The following GNA13 variants were observed in gnomAD, a reference collection of about 807,000 sequenced individuals.
GNA13 encodes G protein subunit alpha 13, also known as guanine nucleotide-binding protein subunit alpha-13.
Under a neutral mutation model 33.5 loss-of-function variants are expected in GNA13, and 4 were observed. That is an observed-to-expected ratio of 0.12 (90% confidence interval 0.06 to 0.27). GNA13 has a LOEUF of 0.27. Among genes scored for constraint, GNA13 ranks in the 10% least tolerant of loss-of-function variants. The probability of loss-of-function intolerance (pLI) is 1.00; values close to 1 mark genes in which losing one functional copy is unlikely to be tolerated. For synonymous variants in GNA13, 176 were observed against 183.8 expected (o/e 0.96, Z 0.34); for missense variants, 319 against 487.2 (o/e 0.65, Z 3.25).
chr17:65,020,863 C>A (rs1200356338), intron 2 of GNA13, among the ~76,000 whole-genome samples: 1 of 152,070 alleles, frequency 6.6e-6, no homozygotes, highest in Non-Finnish European at 1.5e-5. Flanking sequence ...GTTGGCCAGG[C>A]TGGTCTTGAA....
intron 2 of GNA13, among the ~76,000 whole-genome samples, chr17:65,031,921 A>AGAGTGT (rs770161529): frequency 3.7e-3 from 338 of 91,226 alleles, no homozygotes; most frequent in African/African-American, 9.2e-3. Context: ...AGAGAGAGAG[A>AGAGTGT]GTGTGTGTGT....
Position 65,014,288 on chromosome 17 carries a change from T to A in GNA13, c.1103A>T (p.His368Leu). The A allele has an allele frequency of 6.2e-7, 1 of 1,609,212 alleles. No homozygotes were observed. The change falls in exon 4 of 4, where the codon CAT becomes CTT. Residue 368 changes from histidine (H) to leucine (L), a missense_variant. Coordinates refer to ENST00000439174, the MANE Select transcript of GNA13 (RefSeq NM_006572.6). This position sits in a 1 kb window ranked among gnomAD's most constrained non-coding sequence, Gnocchi z 5.3. ...TAGCATAAGCTGCTTGAGGTTGTCA[T>A]GCAGAATAGTATCCTTCACGTCACG... ...VFRDVKDTILHDNLKQLMLQ is the reference protein window; with the variant it reads ...VFRDVKDTILLDNLKQLMLQ
intron 2 of GNA13, among the ~76,000 whole-genome samples, chr17:65,048,198 G>A (rs771097822): frequency 6.6e-5 from 10 of 152,064 alleles, no homozygotes; most frequent in Non-Finnish European, 1.2e-4. Flanking sequence ...CGTAACAAGT[G>A]TTGCCTTATT....
intron 2 of GNA13, among the ~76,000 whole-genome samples, chr17:65,024,400 AAAC>A (rs1245851584): frequency 6.6e-6 from 1 of 152,254 alleles, no homozygotes; most frequent in African/African-American, 2.4e-5. Flanking sequence ...GAATCCCAAT[AAAC>A]AAAATGTTAT....
At chr17:65,051,038 G>A (rs1319152693) in intron 2 of GNA13, among the ~76,000 whole-genome samples, 1 of 152,186 alleles carries the variant, frequency 6.6e-6, no homozygotes, top group Non-Finnish European at 1.5e-5. Flanking sequence ...TGACAGTCCT[G>A]ATGTGAGACA....
chr17:65,038,915 C>T (rs983313713), intron 2 of GNA13, among the ~76,000 whole-genome samples: 1 of 152,160 alleles, frequency 6.6e-6, no homozygotes, highest in Non-Finnish European at 1.5e-5. Flanking sequence ...AAAAACATAA[C>T]GGCTATATGG....
intron 2 of GNA13, among the ~76,000 whole-genome samples, chr17:65,028,876 T>A (rs986258569): frequency 6.6e-6 from 1 of 152,112 alleles, no homozygotes; most frequent in Non-Finnish European, 1.5e-5. Flanking sequence ...GTCTCTAGAA[T>A]CTAGCCTTCC....
At chr17:65,021,863 T>C (rs1906593882) in intron 2 of GNA13, among the ~76,000 whole-genome samples, 2 of 152,188 alleles carry the variant, frequency 1.3e-5, no homozygotes, top group Admixed American at 6.5e-5. Flanking sequence ...GTAAACATAT[T>C]CTAGAAAGCA....
chr17:65,042,614 G>A (rs541870803), intron 2 of GNA13, among the ~76,000 whole-genome samples: 37 of 152,114 alleles, frequency 2.4e-4, no homozygotes, highest in Admixed American at 4.6e-4. Context: ...GTGCGGGCCT[G>A]TAGTCCCAGC....
rs150259100 is a variant in GNA13 at position 65,012,541 on chromosome 17, T to C, written c.*1716A>G. On this transcript the variant is annotated 3_prime_UTR_variant, in exon 4 of 4. Transcript: ENST00000439174. ...CGTATGTGTAGCTCATGGATTACCATGGCATGAAAATGCTAGAAGTTATAT... is the reference window on the plus strand; with the variant it reads ...CGTATGTGTAGCTCATGGATTACCACGGCATGAAAATGCTAGAAGTTATAT... 1.4e-5 allele frequency: 3 copies of C among 219,510 alleles called. No homozygotes were observed. Among genetic ancestry groups the C allele is most frequent in the Middle Eastern group, 1.4e-3 (1 of 712 alleles). The allele number at this position is 219,510 out of a possible 1,614,324, so 13.6% of individuals were successfully genotyped here. A position where few individuals can be genotyped will look rare whatever the true frequency, so the allele number is the denominator to read the frequency against.
chr17:65,045,658 TAGTAAATTTACTATTAA>T (rs1907634497), intron 2 of GNA13, among the ~76,000 whole-genome samples: 1 of 152,198 alleles, frequency 6.6e-6, no homozygotes, highest in South Asian at 2.1e-4. Context: ...CATTCACAGT[TAGTAAATTTACTATTAA>T]ACATTGCTTA....
chr17:65,052,883 T>G (rs894013588), intron 2 of GNA13, among the ~76,000 whole-genome samples: 3 of 152,110 alleles, frequency 2.0e-5, no homozygotes, highest in African/African-American at 7.2e-5. Flanking sequence ...AAAAATTAGC[T>G]AGGTGTGGTG....
chr17:65,017,626 C>T (rs1423602516), intron 3 of GNA13, among the ~76,000 whole-genome samples: 4 of 152,160 alleles, frequency 2.6e-5, no homozygotes, highest in South Asian at 2.1e-4. Context: ...CTGCTGGCTC[C>T]GAGGAATACC....
Position 65,013,280 on chromosome 17 carries a change from TGGACA to T in GNA13, c.*972_*976del, listed in dbSNP as rs1166968731. 4.8e-6 allele frequency: 1 copy of T among 209,516 alleles called. No homozygotes were observed. The highest frequency in any genetic ancestry group is 9.7e-6 in the Non-Finnish European group (1 of 102,984). The allele number at this position is 209,516 out of a possible 1,614,324, so 13.0% of individuals were successfully genotyped here. A position where few individuals can be genotyped will look rare whatever the true frequency, so the allele number is the denominator to read the frequency against. On this transcript the variant is annotated 3_prime_UTR_variant, in exon 4 of 4. Transcript: ENST00000439174. Reference sequence around the variant, plus strand: ...TGGCACAGTGTGGAGTTGATGGGACTGGACAGGACAGCAAAAGATAGATGTTTGTG... The same window carrying T: ...TGGCACAGTGTGGAGTTGATGGGACTGGACAGCAAAAGATAGATGTTTGTG...
At chr17:65,030,248 T>A (rs1906953885) in intron 2 of GNA13, among the ~76,000 whole-genome samples, 1 of 152,226 alleles carries the variant, frequency 6.6e-6, no homozygotes, top group Admixed American at 6.5e-5. Context: ...TTAGAAACTT[T>A]CAGAATATTT....
chr17:65,050,444 T>C (rs967369614), intron 2 of GNA13, among the ~76,000 whole-genome samples: 3 of 152,202 alleles, frequency 2.0e-5, no homozygotes, highest in African/African-American at 4.8e-5. Context: ...TTAACAATGC[T>C]GAAGCCACGC....
intron 2 of GNA13, among the ~76,000 whole-genome samples, chr17:65,035,736 T>C (rs960029978): frequency 6.6e-6 from 1 of 151,634 alleles, no homozygotes; most frequent in African/African-American, 2.4e-5. Flanking sequence ...CATCAGCATA[T>C]CAAGAAATAT....
At chr17:65,019,583 T>C (rs1259338149) in intron 2 of GNA13, among the ~76,000 whole-genome samples, 1 of 152,150 alleles carries the variant, frequency 6.6e-6, no homozygotes, top group African/African-American at 2.4e-5. Context: ...AGACAAACAT[T>C]GCATGCTATC....
chr17:65,033,531 A>C (rs1907130788), intron 2 of GNA13, among the ~76,000 whole-genome samples: 1 of 151,990 alleles, frequency 6.6e-6, no homozygotes, highest in African/African-American at 2.4e-5. Context: ...ATTACAGCAT[A>C]CTCAAAGTAC....
Sources: allele counts gnomAD v4.1 joint callset (sites outside exome capture counted in the v4.1 genomes callset), GRCh38; gene constraint gnomAD v4.1.1; non-coding constraint Gnocchi (gnomAD v3.1); transcripts MANE v1.5; gene names NCBI Gene and HGNC (gene_info 2026-07-23, HGNC 2026-07-21).